Variants in SCN9A observed in about 807,000 individuals in gnomAD.
The protein encoded by SCN9A is sodium voltage-gated channel alpha subunit 9.
In SCN9A, 131 loss-of-function variants were observed where a neutral mutation model predicts 187.0. The observed-to-expected ratio is 0.70, with a 90% CI of 0.61 to 0.81. The LOEUF (loss-of-function observed/expected upper bound fraction) is 0.81. Ranked by LOEUF, SCN9A falls within the 30% of genes least tolerant of loss-of-function variation. SCN9A has a pLI of 0.00. For missense variants in SCN9A, 2,252 were observed against 2,396.6 expected (o/e 0.94, Z 1.26); for synonymous variants, 809 against 808.6 (o/e 1.00, Z -0.01).
chr2:166,214,173 G>A (rs886897410), intron 24 of SCN9A, among the ~76,000 whole-genome samples: 7 of 152,164 alleles, frequency 4.6e-5, no homozygotes, highest in African/African-American at 1.7e-4. Flanking sequence ...CTGACACAGA[G>A]CTTGGCTTTT....
intron 24 of SCN9A, among the ~76,000 whole-genome samples, chr2:166,209,333 T>C (rs1210756306): frequency 1.3e-5 from 2 of 151,992 alleles, no homozygotes; most frequent in African/African-American, 4.8e-5. Context: ...CCTAAAGAAA[T>C]AGAGATTTAT....
chr2:166,245,390 G>C (rs1005616461), intron 18 of SCN9A, among the ~76,000 whole-genome samples: 1 of 151,836 alleles, frequency 6.6e-6, no homozygotes, highest in Non-Finnish European at 1.5e-5. Context: ...ACATCACTAG[G>C]ACAGGTAGAG....
intron 1 of SCN9A, among the ~76,000 whole-genome samples, chr2:166,336,420 G>A (rs922933471): frequency 1.3e-5 from 2 of 151,998 alleles, no homozygotes; most frequent in Admixed American, 6.6e-5. Flanking sequence ...TATAGATATC[G>A]GACTCTCCTC....
intron 17 of SCN9A, among the ~76,000 whole-genome samples, chr2:166,272,065 G>T (rs1176870136): frequency 6.6e-6 from 1 of 152,046 alleles, no homozygotes; most frequent in Non-Finnish European, 1.5e-5. Flanking sequence ...ACAAAGGAAA[G>T]GTGATGAAAA....
chr2:166,367,557 G>A (rs12469343), intron 1 of SCN9A, among the ~76,000 whole-genome samples: 30,880 of 152,164 alleles, frequency 0.2, 4,052 homozygotes, highest in Non-Finnish European at 0.29. Context: ...AAGCCACCGC[G>A]CCTGGCCCAC....
intron 21 of SCN9A, 75 bp downstream of exon 21, chr2:166,233,265 T>G (rs1695174880): frequency 1.8e-6 from 2 of 1,094,392 alleles, no homozygotes; most frequent in Admixed American, 7.3e-5. Context: ...ACTCATAATT[T>G]CTACATACCC....
chr2:166,316,077 A>G (rs1451144299), intron 1 of SCN9A, among the ~76,000 whole-genome samples: 1 of 152,236 alleles, frequency 6.6e-6, no homozygotes, highest in East Asian at 1.9e-4. Context: ...CATAACAATG[A>G]AGGTTTTTAA....
intron 19 of SCN9A, among the ~76,000 whole-genome samples, chr2:166,241,596 C>T (rs1695566859): frequency 6.6e-6 from 1 of 152,100 alleles, no homozygotes; most frequent in Admixed American, 6.6e-5. Context: ...TATACTTGTT[C>T]CCCTCAGCCT....
chr2:166,295,575 T>TA (rs1023538723), intron 7 of SCN9A, among the ~76,000 whole-genome samples: 1 of 151,994 alleles, frequency 6.6e-6, no homozygotes, highest in Non-Finnish European at 1.5e-5. Context: ...AAAGGTACAG[T>TA]AAAAAAATAC....
intron 9 of SCN9A, among the ~76,000 whole-genome samples, 172 bp from the exon 10 acceptor site, chr2:166,288,815 C>T (rs569575609): frequency 4.6e-5 from 7 of 152,056 alleles, no homozygotes; most frequent in Admixed American, 1.3e-4. Context: ...ATTTTCAGTA[C>T]GAAGAATATA....
chr2:166,288,541 C>A lies in SCN9A; in HGVS notation c.1210G>T (p.Ala404Ser). Residue 404 changes from alanine (A) to serine (S), a missense_variant, in exon 10 of 27, where the codon GCA (alanine) becomes TCA (serine). Transcript: ENST00000642356. ...TTTGCCTGGTTCTGTTCTTCATATG[C>A]CATGGCAACCACAGCCAGGATCAAG... is the stretch of plus-strand genomic sequence containing the variant. ...INLILAVVAM[A>S]YEEQNQANIE... 1.2e-6 allele frequency: 2 copies of A among 1,612,864 alleles called. No homozygotes were observed. The highest frequency in any genetic ancestry group is 2.2e-5 in the South Asian group (2 of 90,978).
chr2:166,244,166 A>T (rs943769633), intron 18 of SCN9A, among the ~76,000 whole-genome samples: 4 of 152,034 alleles, frequency 2.6e-5, no homozygotes, highest in Non-Finnish European at 5.9e-5. Flanking sequence ...TATAGATTTT[A>T]AAAATGGGGG....
At chr2:166,277,398 A>G (rs1271852948) in intron 15 of SCN9A, 59 bp from the exon 16 acceptor site, 9 of 1,200,798 alleles carry the variant, frequency 7.5e-6, no homozygotes, top group Non-Finnish European at 1.1e-5. Context: ...AATGTTTCCA[A>G]TCTTGATTTT....
chr2:166,329,317 C>T (rs573698013), intron 1 of SCN9A, among the ~76,000 whole-genome samples: 1 of 152,054 alleles, frequency 6.6e-6, no homozygotes, highest in East Asian at 1.9e-4. Flanking sequence ...TTAAGGTTTA[C>T]CCCCGCAGCA....
At chr2:166,270,204 G>GA (rs1354115655) in intron 17 of SCN9A, among the ~76,000 whole-genome samples, 1 of 151,232 alleles carries the variant, frequency 6.6e-6, no homozygotes, top group African/African-American at 2.4e-5. Flanking sequence ...AAAATAATTG[G>GA]AAAAAATAAA....
chr2:166,236,291 T>C (rs1306235065), intron 20 of SCN9A, among the ~76,000 whole-genome samples: 3 of 152,154 alleles, frequency 2.0e-5, no homozygotes, highest in Non-Finnish European at 2.9e-5. Context: ...AGAATTCTCA[T>C]AGAGGAAACC....
In SCN9A at chr2:166,199,325, C is replaced by T; in HGVS notation, c.5314G>A (p.Glu1772Lys). The T allele has an allele frequency of 6.2e-7, 1 of 1,614,176 alleles. No homozygotes were observed. The highest frequency in any genetic ancestry group is 8.5e-7 in the Non-Finnish European group (1 of 1,180,026). ...TCAAAGTCATCCTCACTCAGAGGTT[C>T]AGTACTTTCTTCAGTGGCAACACTA... ...NFSVATEEST[E>K]PLSEDDFEMF... Residue 1772 changes from glutamate (E) to lysine (K), a missense_variant, in exon 27 of 27, where the codon GAA becomes AAA. By Grantham distance (56) the Glu-to-Lys change is moderately conservative. Coordinates refer to ENST00000642356, the MANE Select transcript of SCN9A (RefSeq NM_001365536.1).
chr2:166,339,326 T>C (rs558134318), intron 1 of SCN9A, among the ~76,000 whole-genome samples: 1 of 152,254 alleles, frequency 6.6e-6, no homozygotes, highest in South Asian at 2.1e-4. Context: ...CTCTCTGATA[T>C]ATAATGTATC....
intron 18 of SCN9A, among the ~76,000 whole-genome samples, chr2:166,248,537 G>A (rs536101567): frequency 9.9e-5 from 15 of 152,054 alleles, no homozygotes; most frequent in East Asian, 3.9e-4. Context: ...ATTGCTATTC[G>A]CCCTTCCACT....
Sources: allele counts gnomAD v4.1 joint callset (sites outside exome capture counted in the v4.1 genomes callset), GRCh38; gene constraint gnomAD v4.1.1; transcripts MANE v1.5; gene names NCBI Gene and HGNC (gene_info 2026-07-23, HGNC 2026-07-21).